The following CACUL1 variants were observed in gnomAD, a reference collection of about 807,000 sequenced individuals.
CACUL1 encodes the protein CDK2-associated and cullin domain-containing protein 1.
CACUL1 carries 13 observed loss-of-function variants against 45.2 expected under a neutral mutation model. That is an observed-to-expected ratio of 0.29 (90% CI 0.19 to 0.46). The LOEUF (loss-of-function observed/expected upper bound fraction) is 0.46. Among genes scored for constraint, CACUL1 ranks in the 20% least tolerant of loss-of-function variants. The probability of loss-of-function intolerance (pLI) is 1.00; values close to 1 mark genes in which losing one functional copy is unlikely to be tolerated. For missense variants in CACUL1, 421 were observed against 471.4 expected, an observed-to-expected ratio of 0.89 and a Z score of 0.99; for synonymous variants, 197 against 174.2, an observed-to-expected ratio of 1.13 and a Z score of -1.03.
At chr10:118,716,231 C>G (rs1237493887) in intron 3 of CACUL1, among the ~76,000 whole-genome samples, 1 of 124,082 alleles carries the variant, frequency 8.1e-6, no homozygotes, top group Non-Finnish European at 1.7e-5. Flanking sequence ...GACTCCGTCT[C>G]AAAAAAAAAA....
chr10:118,707,438 T>C (rs1049560236), intron 4 of CACUL1, 54 bp downstream of exon 4: 4 of 809,422 alleles, frequency 4.9e-6, no homozygotes, highest in Non-Finnish European at 6.3e-6. Context: ...CATCTATTTG[T>C]GCTCTCAACA....
chr10:118,695,088 G>A (rs900470632), intron 6 of CACUL1, 53 bp downstream of exon 6: 1 of 1,113,656 alleles, frequency 9.0e-7, no homozygotes, highest in Non-Finnish European at 1.4e-6. Context: ...CTGCCCTCTT[G>A]GAAAAGGCTG....
chr10:118,709,994 C>T (rs1016845973), intron 3 of CACUL1, among the ~76,000 whole-genome samples: 1 of 152,044 alleles, frequency 6.6e-6, no homozygotes, highest in Admixed American at 6.6e-5. Context: ...CAGCCTCCAC[C>T]TCCCAGGCTC....
At chr10:118,744,236 G>C (rs1468023291) in intron 1 of CACUL1, among the ~76,000 whole-genome samples, 1 of 151,968 alleles carries the variant, frequency 6.6e-6, no homozygotes, top group Non-Finnish European at 1.5e-5. Flanking sequence ...AAAATACGAA[G>C]TTAGCCGGGC....
chr10:118,747,747 T>C (rs1451212690), intron 1 of CACUL1, among the ~76,000 whole-genome samples: 2 of 152,152 alleles, frequency 1.3e-5, no homozygotes, highest in African/African-American at 2.4e-5. Context: ...TCAGTAGGAA[T>C]GCTTGGGGCT....
chr10:118,714,343 G>A (rs1396674891), intron 3 of CACUL1, among the ~76,000 whole-genome samples: 1 of 152,016 alleles, frequency 6.6e-6, no homozygotes, highest in African/African-American at 2.4e-5. Context: ...TCCCAATGTT[G>A]ATTTCATTAG....
intron 5 of CACUL1, among the ~76,000 whole-genome samples, chr10:118,698,386 C>T (rs548228475): frequency 5.8e-4 from 88 of 152,204 alleles, no homozygotes; most frequent in African/African-American, 2.0e-3. Context: ...TCAAGTGATC[C>T]GCCTGCCTCG....
At chr10:118,711,234 C>T (rs1845482048) in intron 3 of CACUL1, among the ~76,000 whole-genome samples, 1 of 152,164 alleles carries the variant, frequency 6.6e-6, no homozygotes, top group Non-Finnish European at 1.5e-5. Flanking sequence ...TGTGGGCAAC[C>T]ACACCCAGCT....
chr10:118,748,057 C>T (rs1845861233), intron 1 of CACUL1, among the ~76,000 whole-genome samples: 1 of 152,086 alleles, frequency 6.6e-6, no homozygotes, highest in Non-Finnish European at 1.5e-5. Flanking sequence ...TGCACTCCAG[C>T]CTGGGCGACA....
intron 1 of CACUL1, among the ~76,000 whole-genome samples, chr10:118,742,819 G>C (rs2119670611): frequency 6.6e-6 from 1 of 152,194 alleles, no homozygotes; most frequent in Middle Eastern, 3.4e-3. Flanking sequence ...TAAATAAATA[G>C]GAGACAGCTT....
intron 5 of CACUL1, among the ~76,000 whole-genome samples, chr10:118,698,005 T>G (rs1011103131): frequency 6.6e-6 from 1 of 152,248 alleles, no homozygotes; most frequent in East Asian, 1.9e-4. Flanking sequence ...TAAGAAGTCA[T>G]TGTCTTCATT....
rs1845939510 is a variant in CACUL1 at position 118,754,707 on chromosome 10, T to G, written c.56A>C (p.Asp19Ala). ...EGGSYEAMMD[D>A]QNHNNWEAAV... ...AGCCTCCCAGTTGTTGTGGTTCTGG[T>G]CGTCCATCATCGCCTCGTAGCTGCC... The change falls in exon 1 of 9, where the codon GAC becomes GCC. Residue 19 changes from aspartate to alanine, a missense_variant. Physicochemically the swap from Asp to Ala is moderately radical, Grantham distance 126. Transcript: ENST00000369151. The G allele has an allele frequency of 6.2e-7, 1 of 1,606,328 alleles. No homozygotes were observed. The highest frequency in any genetic ancestry group is 2.3e-5 in the East Asian group (1 of 43,526).
Position 118,679,609 on chromosome 10 carries a change from C to G in CACUL1, c.*6519G>C, listed in dbSNP as rs1157730927. 6.6e-6 allele frequency: 1 copy of G among 152,054 alleles called. No homozygotes were observed. The highest frequency in any genetic ancestry group is 1.9e-4 in the East Asian group (1 of 5,182). The allele number at this position is 152,054 out of a possible 1,614,324, so 9.4% of individuals were successfully genotyped here. ...TCTTGGTTCACTGAAACCTCTGCCT[C>G]CTGGGTTCAGGCGATTTTCCTGCCT... On this transcript the variant is annotated 3_prime_UTR_variant, in exon 9 of 9. Transcript: ENST00000369151.
In CACUL1 at chr10:118,678,914, T is replaced by TA. The variant is rs1470276336; in HGVS notation, c.*7213dup. On this transcript the variant is annotated 3_prime_UTR_variant, in exon 9 of 9. Transcript: ENST00000369151. ...TATGTCCTTAATAATCTTCATAATT[T>TA]AGTCTCTGCAAGATCTATTAATTAC... is the stretch of plus-strand genomic sequence containing the variant. 2 of 152,254 alleles carry TA rather than the reference T, an allele frequency of 1.3e-5. No individual in the cohort carries two copies. The highest frequency in any genetic ancestry group is 4.8e-5 in the African/African-American group (2 of 41,474). The allele number at this position is 152,254 out of a possible 1,614,324, so 9.4% of individuals were successfully genotyped here.
In CACUL1 at chr10:118,701,428, CT is replaced by C. The variant is rs762910765; in HGVS notation, c.694-21del. 3.6e-5 allele frequency: 51 copies of C among 1,401,270 alleles called. No individual in the cohort carries two copies. Among genetic ancestry groups the C allele is most frequent in the Non-Finnish European group, 4.7e-5 (48 of 1,016,350 alleles). The allele number at this position is 1,401,270 out of a possible 1,614,324, so 86.8% of individuals were successfully genotyped here. A position where few individuals can be genotyped will look rare whatever the true frequency, so the allele number is the denominator to read the frequency against. On this transcript the variant is annotated intron_variant, in intron 4 of 8. Coordinates refer to ENST00000369151, the MANE Select transcript of CACUL1 (RefSeq NM_153810.5). ...CTTATTCTGAAAAATAAAATAAAATCTTTTTTTGTGTATTAATTGGGGAAAT... is the reference window on the plus strand; with the variant it reads ...CTTATTCTGAAAAATAAAATAAAATCTTTTTTGTGTATTAATTGGGGAAAT...
chr10:118,706,387 C>T lies in CACUL1; in HGVS notation c.693+1105G>A, dbSNP rs182319907. ...AGCAAGAATAAGGAGTCGGCTCGCACGGAAATAAAATGTTTGCTCTATCAG... is the reference window on the plus strand; with the variant it reads ...AGCAAGAATAAGGAGTCGGCTCGCATGGAAATAAAATGTTTGCTCTATCAG... On this transcript the variant is annotated intron_variant, in intron 4 of 8. Transcript: ENST00000369151. Among the ~76,000 whole-genome samples the T allele has an allele frequency of 1.9e-4, 29 of 152,154 alleles. No individual in the cohort carries two copies. The East Asian group carries it at 4.8e-3, about 25-fold the overall frequency.
rs1318121494 is a variant in CACUL1, at chr10:118,727,082, A to AC, written c.597+2212dup. On this transcript the variant is annotated intron_variant, in intron 3 of 8. Transcript: ENST00000369151. ...ATTCCCTGGTTTTATATCATATATC[A>AC]CCCTTTTAAAAAATACTAACATCAC... is the stretch of plus-strand genomic sequence containing the variant. Among the ~76,000 whole-genome samples the AC allele has an allele frequency of 3.3e-5, 5 of 152,262 alleles. No individual in the cohort carries two copies. In the East Asian group the frequency reaches 9.6e-4, roughly 29 times the overall value.
intron 1 of CACUL1, among the ~76,000 whole-genome samples, chr10:118,736,365 G>A (rs1589617255): frequency 6.6e-6 from 1 of 152,130 alleles, no homozygotes; most frequent in East Asian, 1.9e-4. Context: ...GTTACAGGAA[G>A]CTAAGGTTGA....
intron 1 of CACUL1, among the ~76,000 whole-genome samples, chr10:118,753,285 A>C (rs1845915447): frequency 6.6e-6 from 1 of 152,284 alleles, no homozygotes; most frequent in Non-Finnish European, 1.5e-5. Flanking sequence ...ATCTTGGGGC[A>C]AATAAAATTA....
Sources: gnomAD v4.1 joint callset for allele counts (sites outside exome capture counted in the v4.1 genomes callset) on GRCh38, gnomAD v4.1.1 for gene constraint, MANE v1.5 for transcripts, NCBI Gene and HGNC (gene_info 2026-07-23, HGNC 2026-07-21) for gene names.